The following EHBP1 variants were observed in gnomAD, a reference collection of about 807,000 sequenced individuals.
The protein encoded by EHBP1 is EH domain-binding protein 1.
EHBP1 carries 55 observed loss-of-function variants against 144.0 expected under a neutral mutation model. That is an observed-to-expected ratio of 0.38 (90% CI 0.31 to 0.48). EHBP1 has a LOEUF of 0.48. Ranked by LOEUF, EHBP1 falls within the 20% of genes least tolerant of loss-of-function variation. The pLI, the probability that EHBP1 is intolerant of heterozygous loss-of-function variation, is 0.98. For synonymous variants in EHBP1, 469 were observed against 472.7 expected, an observed-to-expected ratio of 0.99 and a Z score of 0.10; for missense variants, 1,200 against 1,364.2, an observed-to-expected ratio of 0.88 and a Z score of 1.90.
chr2:62,828,089 T>G (rs1225084537), intron 6 of EHBP1, among the ~76,000 whole-genome samples: 1 of 152,246 alleles, frequency 6.6e-6, no homozygotes, highest in Non-Finnish European at 1.5e-5. Context: ...TGTCACTAAA[T>G]TTATTTTAAA....
intron 14 of EHBP1, among the ~76,000 whole-genome samples, chr2:62,963,067 T>C (rs1367357755): frequency 1.3e-5 from 2 of 152,192 alleles, no homozygotes; most frequent in Non-Finnish European, 2.9e-5. Flanking sequence ...TTGAATCCTC[T>C]AGAGAAAACA....
chr2:62,752,840 T>C (rs2039883780), intron 3 of EHBP1, among the ~76,000 whole-genome samples: 1 of 152,154 alleles, frequency 6.6e-6, no homozygotes, highest in Non-Finnish European at 1.5e-5. Flanking sequence ...CTTTTTTTAT[T>C]TTCCATTTGC....
chr2:62,698,038 T>C (rs950150205), intron 1 of EHBP1, among the ~76,000 whole-genome samples: 6 of 152,184 alleles, frequency 3.9e-5, no homozygotes, highest in African/African-American at 1.4e-4. Flanking sequence ...CTGCAGGATT[T>C]TGGTAATTGT....
chr2:62,683,486 C>T (rs1262580428), intron 1 of EHBP1, among the ~76,000 whole-genome samples: 1 of 151,740 alleles, frequency 6.6e-6, no homozygotes, highest in Non-Finnish European at 1.5e-5. Context: ...GGTGAAACCC[C>T]ACCTGTACTG....
At chr2:62,738,337 A>G (rs931489367) in intron 2 of EHBP1, among the ~76,000 whole-genome samples, 1 of 152,184 alleles carries the variant, frequency 6.6e-6, no homozygotes, top group African/African-American at 2.4e-5. Flanking sequence ...TGAGCCCTAT[A>G]GTATTATCAC....
chr2:63,030,442 A>G (rs955003872), intron 19 of EHBP1, among the ~76,000 whole-genome samples: 1 of 152,032 alleles, frequency 6.6e-6, no homozygotes, highest in Non-Finnish European at 1.5e-5. Flanking sequence ...TAAAAATCAC[A>G]TCTTAAAATA....
intron 5 of EHBP1, among the ~76,000 whole-genome samples, chr2:62,802,314 C>T (rs2044060797): frequency 1.3e-5 from 2 of 152,102 alleles, no homozygotes; most frequent in South Asian, 4.1e-4. Context: ...CAGGGTATGC[C>T]ACTGGCCATC....
intron 10 of EHBP1, among the ~76,000 whole-genome samples, chr2:62,921,928 G>A (rs2055122553): frequency 6.6e-6 from 1 of 152,242 alleles, no homozygotes; most frequent in Non-Finnish European, 1.5e-5. Context: ...TGTAATGCCA[G>A]CACTTCGGGA....
chr2:62,889,319 T>C (rs1372264509), intron 10 of EHBP1, among the ~76,000 whole-genome samples: 1 of 151,910 alleles, frequency 6.6e-6, no homozygotes, highest in South Asian at 2.1e-4. Flanking sequence ...GATGTATAGT[T>C]TGCAAAAATT....
At chr2:62,745,588 C>T (rs756464530) in intron 2 of EHBP1, among the ~76,000 whole-genome samples, 1 of 151,812 alleles carries the variant, frequency 6.6e-6, no homozygotes, top group Non-Finnish European at 1.5e-5. Context: ...GAGCAAGATG[C>T]CTATGAGATA....
At chr2:62,927,905 T>G (rs2055657859) in intron 10 of EHBP1, among the ~76,000 whole-genome samples, 1 of 152,170 alleles carries the variant, frequency 6.6e-6, no homozygotes, top group Non-Finnish European at 1.5e-5. Flanking sequence ...GTATCTTTTC[T>G]GATAACAACA....
At chr2:62,899,247 A>ATTGT (rs2053202085) in intron 10 of EHBP1, among the ~76,000 whole-genome samples, 3 of 152,196 alleles carry the variant, frequency 2.0e-5, no homozygotes, top group Admixed American at 2.0e-4. Flanking sequence ...ATTGAGAACA[A>ATTGT]GGCCATGGGG....
At chr2:62,729,845 C>T (rs1025746472) in intron 2 of EHBP1, among the ~76,000 whole-genome samples, 1 of 151,612 alleles carries the variant, frequency 6.6e-6, no homozygotes, top group African/African-American at 2.4e-5. Context: ...TTCCCCACAG[C>T]CTCGAGTACC....
intron 19 of EHBP1, among the ~76,000 whole-genome samples, chr2:63,006,245 A>T (rs762918843): frequency 6.7e-6 from 1 of 150,194 alleles, no homozygotes; most frequent in Non-Finnish European, 1.5e-5. Flanking sequence ...TGGTAAGTTG[A>T]TTTTTTTTTT....
chr2:62,926,858 A>C (rs945799718), intron 10 of EHBP1, among the ~76,000 whole-genome samples: 1 of 152,066 alleles, frequency 6.6e-6, no homozygotes, highest in African/African-American at 2.4e-5. Context: ...CCACAGAGAA[A>C]TAAATTATTA....
intron 3 of EHBP1, among the ~76,000 whole-genome samples, chr2:62,751,891 T>A (rs2039762270): frequency 6.6e-6 from 1 of 152,190 alleles, no homozygotes; most frequent in Non-Finnish European, 1.5e-5. Context: ...TTTATTAGTC[T>A]TGCTAGCGGT....
intron 5 of EHBP1, among the ~76,000 whole-genome samples, chr2:62,796,027 C>T (rs1429562762): frequency 6.6e-6 from 1 of 151,518 alleles, no homozygotes; most frequent in Non-Finnish European, 1.5e-5. Context: ...TTCAGCTGGT[C>T]CTTTCTATTC....
intron 2 of EHBP1, among the ~76,000 whole-genome samples, chr2:62,725,090 C>T (rs1044053306): frequency 3.3e-5 from 5 of 152,184 alleles, no homozygotes; most frequent in African/African-American, 4.8e-5. Context: ...GGACTGTGTG[C>T]TCTAACTCTG....
At chr2:62,946,561 T>C (rs139741768) in intron 12 of EHBP1, among the ~76,000 whole-genome samples, 16 of 152,308 alleles carry the variant, frequency 1.1e-4, no homozygotes, top group African/African-American at 3.1e-4. Flanking sequence ...TAAAGCACCA[T>C]AGGAAAACAA....
Sources: gnomAD v4.1 joint callset for allele counts (sites outside exome capture counted in the v4.1 genomes callset) on GRCh38, gnomAD v4.1.1 for gene constraint, MANE v1.5 for transcripts, NCBI Gene and HGNC (gene_info 2026-07-23, HGNC 2026-07-21) for gene names.